The following MUC17 variants were observed in gnomAD, a reference collection of about 807,000 sequenced individuals.
The protein encoded by MUC17 is mucin 17, cell surface associated, also known as mucin-17.
MUC17 carries 190 observed loss-of-function variants against 170.3 expected under a neutral mutation model. The observed-to-expected ratio is 1.12, with a 90% CI of 0.99 to 1.26. The LOEUF is 1.26. MUC17 is among the 50% of genes most tolerant of loss of function. MUC17 has a pLI of 0.00. For missense variants in MUC17, 6,415 were observed against 5,530.0 expected (o/e 1.16, Z -5.08); for synonymous variants, 2,325 against 2,002.5 (o/e 1.16, Z -4.30).
At chr7:101,053,254 G>A (rs770422796) in intron 10 of MUC17, 85 bp from the exon 11 acceptor site, 52 of 1,580,308 alleles carry the variant, frequency 3.3e-5, no homozygotes, top group Non-Finnish European at 4.3e-5. Flanking sequence ...AGCGGGGGCA[G>A]CTAAAAATGG....
chr7:101,040,025 T>C lies in MUC17; in HGVS notation c.8609T>C (p.Leu2870Pro), dbSNP rs146981915. 20 of 1,593,008 alleles carry C rather than the reference T, an allele frequency of 1.3e-5. No individual in the cohort carries two copies. The African/African-American group carries it at 1.9e-4, about 15-fold the overall frequency. Residue 2870 changes from leucine to proline, a missense_variant, in exon 3 of 13, where the codon CTA (leucine) becomes CCA (proline). Physicochemically the swap from Leu to Pro is moderately conservative, Grantham distance 98 (BLOSUM62 -3). Coordinates refer to ENST00000306151, the MANE Select transcript of MUC17 (RefSeq NM_001040105.2). ...PISTASEGST[L>P]LTSIPVSTTP... Reference sequence around the variant, plus strand: ...TCAACTGCTAGTGAAGGAAGTACTCTATTAACAAGTATACCTGTCAGCACC... The same window carrying C: ...TCAACTGCTAGTGAAGGAAGTACTCCATTAACAAGTATACCTGTCAGCACC...
chr7:101,050,484 T>C lies in MUC17; in HGVS notation c.12723T>C (p.Arg4241=). 6.2e-7 allele frequency: 1 copy of C among 1,612,934 alleles called. No homozygotes were observed. ...EYVGVNITKL[R]LGSVVVEHDV... Reference sequence around the variant, plus strand: ...AGGACGTCTTCCCTTCCCTCTTCAGTCTTGGCAGTGTGGTGGTGGAGCATG... The same window carrying C: ...AGGACGTCTTCCCTTCCCTCTTCAGCCTTGGCAGTGTGGTGGTGGAGCATG... Residue 4241 remains arginine, a splice_region_variant and synonymous_variant, in exon 7 of 13, where the codon CGT becomes CGC. Transcript: ENST00000306151.
chr7:101,041,632 G>A lies in MUC17; in HGVS notation c.10216G>A (p.Val3406Ile). ...EGTTPLASMP[V>I]STTPVVSSEV... is the part of the protein sequence containing the mutation. Reference sequence around the variant, plus strand: ...AACCACTCCATTAGCAAGTATGCCTGTCAGCACCACGCCGGTGGTCAGTTC... The same window carrying A: ...AACCACTCCATTAGCAAGTATGCCTATCAGCACCACGCCGGTGGTCAGTTC... Residue 3406 changes from valine to isoleucine, a missense_variant, in exon 3 of 13, where the codon GTC (valine) becomes ATC (isoleucine). Transcript: ENST00000306151. 6.2e-7 allele frequency: 1 copy of A among 1,613,136 alleles called. No individual in the cohort carries two copies. Among genetic ancestry groups the A allele is most frequent in the Non-Finnish European group, 8.5e-7 (1 of 1,179,632 alleles).
chr7:101,033,084 A>T lies in MUC17; in HGVS notation c.1668A>T (p.Glu556Asp). 4 of 1,613,022 alleles carry T rather than the reference A, an allele frequency of 2.5e-6. No homozygotes were observed. The highest frequency in any genetic ancestry group is 3.4e-6 in the Non-Finnish European group (4 of 1,179,690). The change falls in exon 3 of 13, where the codon GAA becomes GAT. Residue 556 changes from glutamate to aspartate, a missense_variant. Glu to Asp is a conservative substitution (Grantham distance 45, BLOSUM62 2). Transcript: ENST00000306151. ...SEASSSSTTP[E>D]GTSIPTSTPS... Reference sequence around the variant, plus strand: ...CCAGTTCATCTTCTACAACTCCTGAAGGTACCAGCATACCAACCTCAACTC... The same window carrying T: ...CCAGTTCATCTTCTACAACTCCTGATGGTACCAGCATACCAACCTCAACTC...
Position 101,054,057 on chromosome 7 carries a change from CAAAAAAAAAAAAAAAAAAAAAA to C in MUC17, c.13363+635_13363+656del, listed in dbSNP as rs58623975. Among the ~76,000 whole-genome samples, 4 of 40,354 alleles carry C rather than the reference CAAAAAAAAAAAAAAAAAAAAAA, an allele frequency of 9.9e-5. 1 individual carries two copies. In the South Asian group the frequency reaches 6.4e-3, roughly 65 times the overall value. The allele number at this position is 40,354 out of a possible 152,430, so 26.5% of individuals were successfully genotyped here. ...CCTGGGCAACAGAACAAGACCCTGTCAAAAAAAAAAAAAAAAAAAAAAAAAAAAAAAAAAAGAGTACATAGGA... is the reference window on the plus strand; with the variant it reads ...CCTGGGCAACAGAACAAGACCCTGTCAAAAAAAAAAAAAGAGTACATAGGA... On this transcript the variant is annotated intron_variant, in intron 11 of 12. Coordinates refer to ENST00000306151, the MANE Select transcript of MUC17 (RefSeq NM_001040105.2).
chr7:101,025,780 C>T (rs187099816), intron 1 of MUC17, among the ~76,000 whole-genome samples: 2 of 141,764 alleles, frequency 1.4e-5, no homozygotes, highest in South Asian at 2.3e-4. Context: ...GGTGACAGAG[C>T]GAGATCTCTC....
rs765566437 is a variant in MUC17, at chr7:101,036,687, C to T, written c.5271C>T (p.Ser1757=). 3.1e-6 allele frequency: 5 copies of T among 1,613,170 alleles called. No homozygotes were observed. The highest frequency in any genetic ancestry group is 4.2e-6 in the Non-Finnish European group (5 of 1,179,742). Residue 1757 remains serine, a synonymous_variant, in exon 3 of 13, where the codon AGC becomes AGT. Transcript: ENST00000306151. ...CTCCATTAACAAGTATACCTGTCAG[C>T]ACCACGCCGGTACTCAGTTCTGAGG... ...GTTPLTSIPV[S]TTPVLSSEAS...
intron 5 of MUC17, 69 bp from the exon 6 acceptor site, chr7:101,049,255 A>G: frequency 6.2e-7 from 1 of 1,605,560 alleles, no homozygotes; most frequent in Non-Finnish European, 8.5e-7. Flanking sequence ...TGGTCCTGTG[A>G]CCTCCTGATG....
At chr7:101,056,642 T>C (rs1285766315) in intron 12 of MUC17, among the ~76,000 whole-genome samples, 2 of 152,218 alleles carry the variant, frequency 1.3e-5, no homozygotes, top group African/African-American at 4.8e-5. Flanking sequence ...TAACATGCCA[T>C]ATGTTTCTTT....
chr7:101,034,100 C>A lies in MUC17; in HGVS notation c.2684C>A (p.Pro895His). The A allele has an allele frequency of 6.3e-7, 1 of 1,585,390 alleles. No individual in the cohort carries two copies. Among genetic ancestry groups the A allele is most frequent in the Non-Finnish European group, 8.6e-7 (1 of 1,165,078 alleles). The change falls in exon 3 of 13, where the codon CCT (proline) becomes CAT (histidine). Residue 895 changes from proline to histidine, a missense_variant. By Grantham distance (77) the Pro-to-His change is moderately conservative. Transcript: ENST00000306151. Reference sequence around the variant, plus strand: ...ACAACTCCTGTTGACACCAGCACACCTGTGACCAATTCTACTGAAGCCCGT... The same window carrying A: ...ACAACTCCTGTTGACACCAGCACACATGTGACCAATTCTACTGAAGCCCGT... ...LSTTPVDTST[P>H]VTNSTEARSS...
In MUC17 at chr7:101,033,602, C is replaced by T. The variant is rs1794360969; in HGVS notation, c.2186C>T (p.Pro729Leu). Residue 729 changes from proline to leucine, a missense_variant, in exon 3 of 13, where the codon CCT becomes CTT. Transcript: ENST00000306151. ...ACTTCAACTGAAGCCAGTTCCTCTC[C>T]TACAACTGCTGATGGTGCCAGTATG... ...VTTSTEASSS[P>L]TTADGASMPT... 6.2e-7 allele frequency: 1 copy of T among 1,613,762 alleles called. No homozygotes were observed.
chr7:101,055,494 A>G (rs755119485), intron 11 of MUC17, among the ~76,000 whole-genome samples: 6 of 152,252 alleles, frequency 3.9e-5, no homozygotes, highest in Non-Finnish European at 8.8e-5. Context: ...TTTAATTTGT[A>G]TGCTCTGTTA....
Position 101,036,194 on chromosome 7 carries a change from T to C in MUC17, c.4778T>C (p.Leu1593Pro), listed in dbSNP as rs373621129. The change falls in exon 3 of 13, where the codon CTT becomes CCT. Residue 1593 changes from leucine (L) to proline (P), a missense_variant. Leu to Pro is a moderately conservative substitution (Grantham distance 98). Coordinates refer to ENST00000306151, the MANE Select transcript of MUC17 (RefSeq NM_001040105.2). ...MLVVSSEANT[L>P]STTPIDSKTQ... ...GTGGTCAGTTCTGAGGCTAACACCC[T>C]TTCAACAACCCCTATTGACTCCAAA... The C allele has an allele frequency of 2.2e-4, 349 of 1,613,828 alleles. 1 individual carries two copies. Among genetic ancestry groups the C allele is most frequent in the Non-Finnish European group, 2.7e-4 (315 of 1,179,996 alleles).
rs757176929 is a variant in MUC17 at position 101,035,353 on chromosome 7, A to G, written c.3937A>G (p.Asn1313Asp). ...VDTKGPVVTS[N>D]EVSSSPTPAE... ...CACTAAAGGTCCTGTGGTCACTTCT[A>G]ATGAAGTCAGTTCATCTCCTACACC... Residue 1313 changes from asparagine (N) to aspartate (D), a missense_variant, in exon 3 of 13, where the codon AAT (asparagine) becomes GAT (aspartate). Physicochemically the swap from Asn to Asp is conservative, Grantham distance 23. Coordinates refer to ENST00000306151, the MANE Select transcript of MUC17 (RefSeq NM_001040105.2). The G allele has an allele frequency of 2.7e-5, 43 of 1,610,198 alleles. No individual in the cohort carries two copies. The highest frequency in any genetic ancestry group is 3.6e-5 in the Non-Finnish European group (42 of 1,178,096).
Position 101,032,482 on chromosome 7 carries a change from A to G in MUC17, c.1066A>G (p.Ile356Val), listed in dbSNP as rs765134194. 4 of 1,614,024 alleles carry G rather than the reference A, an allele frequency of 2.5e-6. No homozygotes were observed. Among genetic ancestry groups the G allele is most frequent in the East Asian group, 2.2e-5 (1 of 44,900 alleles). ...CACTTCTGAAATGAGCACACTTTCA[A>G]TAACTCCTGTTGACACCAGCACACT... Reference protein sequence around the residue: ...VATSEMSTLSITPVDTSTLVT... With the variant: ...VATSEMSTLSVTPVDTSTLVT... Residue 356 changes from isoleucine to valine, a missense_variant, in exon 3 of 13, where the codon ATA becomes GTA. Coordinates refer to ENST00000306151, the MANE Select transcript of MUC17 (RefSeq NM_001040105.2).
rs541659726 is a variant in MUC17, at chr7:101,037,675, G to A, written c.6259G>A (p.Ala2087Thr). 2.0e-5 allele frequency: 32 copies of A among 1,612,482 alleles called. No homozygotes were observed. The highest frequency in any genetic ancestry group is 4.0e-5 in the African/African-American group (3 of 74,546). ...TACTGAAGCCAGTTCATCTGCAACC[G>A]CTGAAGGTAGCAGCATGACAATCTC... ...NSTEASSSAT[A>T]EGSSMTISAP... The change falls in exon 3 of 13, where the codon GCT becomes ACT. Residue 2087 changes from alanine (A) to threonine (T), a missense_variant. Transcript: ENST00000306151.
At chr7:101,020,622 TC>T (rs1794057801) in intron 1 of MUC17, among the ~76,000 whole-genome samples, 1 of 151,978 alleles carries the variant, frequency 6.6e-6, no homozygotes, top group Admixed American at 6.6e-5. Flanking sequence ...TCCCGCCAAG[TC>T]CCTGTCACCT....
At position 101,032,105 on chromosome 7, in the gene MUC17, G is replaced by A; in HGVS notation, c.689G>A (p.Ser230Asn). Residue 230 changes from serine to asparagine, a missense_variant, in exon 3 of 13, where the codon AGT (serine) becomes AAT (asparagine). Physicochemically the swap from Ser to Asn is conservative, Grantham distance 46. Coordinates refer to ENST00000306151, the MANE Select transcript of MUC17 (RefSeq NM_001040105.2). Reference sequence around the variant, plus strand: ...CCTGCCAGCACCATGAAGGTGGCCAGTTCAGAGGCTATCACCCTTTTGACA... The same window carrying A: ...CCTGCCAGCACCATGAAGGTGGCCAATTCAGAGGCTATCACCCTTTTGACA... The part of the protein sequence containing the change: ...SMPASTMKVA[S>N]SEAITLLTTP... 1.2e-6 allele frequency: 2 copies of A among 1,610,510 alleles called. No homozygotes were observed. Among genetic ancestry groups the A allele is most frequent in the Non-Finnish European group, 1.7e-6 (2 of 1,179,022 alleles).
rs763888181 is a variant in MUC17, at chr7:101,040,430, G to A, written c.9014G>A (p.Ser3005Asn). 2.2e-5 allele frequency: 35 copies of A among 1,611,616 alleles called. No individual in the cohort carries two copies. The highest frequency in any genetic ancestry group is 7.6e-6 in the Non-Finnish European group (9 of 1,179,042). The change falls in exon 3 of 13, where the codon AGC (serine) becomes AAC (asparagine). Residue 3005 changes from serine (S) to asparagine (N), a missense_variant. Ser to Asn is a conservative substitution (Grantham distance 46, BLOSUM62 1). Transcript: ENST00000306151. ...STMPVASSEASTLSRTPADTS... is the reference protein window; with the variant it reads ...STMPVASSEANTLSRTPADTS... ...ATGCCGGTGGCCAGTTCTGAGGCTA[G>A]CACCCTTTCAAGAACTCCTGCTGAC...
Sources: gnomAD v4.1 joint callset for allele counts (sites outside exome capture counted in the v4.1 genomes callset) on GRCh38, gnomAD v4.1.1 for gene constraint, MANE v1.5 for transcripts, NCBI Gene and HGNC (gene_info 2026-07-23, HGNC 2026-07-21) for gene names.